Variants in IL1RAPL2 observed in about 807,000 individuals in gnomAD.
The protein encoded by IL1RAPL2 is interleukin 1 receptor accessory protein like 2.
IL1RAPL2 carries 3 observed loss-of-function variants against 44.1 expected under a neutral mutation model. The ratio of observed to expected loss-of-function variants is 0.07; its 90% confidence interval spans 0.03 to 0.18. The LOEUF is 0.18. IL1RAPL2 is among the 10% of genes least tolerant of loss of function. IL1RAPL2 has a pLI of 1.00. For synonymous variants in IL1RAPL2, 181 were observed against 178.8 expected (o/e 1.01, Z -0.10); for missense variants, 391 against 496.4 (o/e 0.79, Z 2.02).
intron 4 of IL1RAPL2, among the ~76,000 whole-genome samples, chrX:105,242,458 T>G (rs1423219154): frequency 3.6e-5 from 4 of 111,785 alleles, no homozygotes; most frequent in Non-Finnish European, 7.5e-5. Context: ...AATCCATTAC[T>G]TGTAAGAATT....
At chrX:105,696,938 G>A (rs955094669) in intron 6 of IL1RAPL2, among the ~76,000 whole-genome samples, 1 of 111,499 alleles carries the variant, frequency 9.0e-6, no homozygotes. Context: ...TCTGCAGGCT[G>A]TAAAAGCATA....
chrX:105,116,535 A>G (rs1403804011), intron 2 of IL1RAPL2, among the ~76,000 whole-genome samples: 1 of 103,611 alleles, frequency 9.7e-6, no homozygotes, highest in Non-Finnish European at 1.9e-5. Flanking sequence ...GGAATAGTCA[A>G]GGGTTGAATT....
At chrX:105,114,406 A>T (rs1035027141) in intron 2 of IL1RAPL2, among the ~76,000 whole-genome samples, 1 of 112,592 alleles carries the variant, frequency 8.9e-6, no homozygotes, top group African/African-American at 3.2e-5. Context: ...TAATAAGAAT[A>T]TCTACTGTTT....
At chrX:104,670,407 G>T (rs1930571580) in intron 2 of IL1RAPL2, among the ~76,000 whole-genome samples, 1 of 111,297 alleles carries the variant, frequency 9.0e-6, no homozygotes, top group Non-Finnish European at 1.9e-5. Context: ...GCAGTTGATT[G>T]GATGGTGCCC....
intron 10 of IL1RAPL2, among the ~76,000 whole-genome samples, chrX:105,758,619 T>A (rs189579707): frequency 1.8e-5 from 2 of 111,872 alleles, no homozygotes; most frequent in Non-Finnish European, 3.8e-5. Context: ...TGTTCCGATC[T>A]GGACATTATT....
chrX:105,620,591 G>C (rs1723991306), intron 6 of IL1RAPL2, among the ~76,000 whole-genome samples: 2 of 110,333 alleles, frequency 1.8e-5, no homozygotes, highest in African/African-American at 6.6e-5. Context: ...GAGTGACAGA[G>C]TGGGGTTTCA....
rs191041809 is a variant in IL1RAPL2, at chrX:104,635,177, C to T, written c.-19-23718C>T. On this transcript the variant is annotated intron_variant, in intron 1 of 10. Coordinates refer to ENST00000372582, the MANE Select transcript of IL1RAPL2 (RefSeq NM_017416.2). Reference sequence around the variant, plus strand: ...AGAATGTTGAATATTGGCCCCCACTCTCTTCTGGCTTATAGAGTTTCTGCT... The same window carrying T: ...AGAATGTTGAATATTGGCCCCCACTTTCTTCTGGCTTATAGAGTTTCTGCT... Among the ~76,000 whole-genome samples, 341 of 111,971 alleles carry T rather than the reference C, an allele frequency of 3.0e-3. 2 individuals carry two copies. In the Middle Eastern group the frequency reaches 0.032, roughly 11 times the overall value.
chrX:105,132,201 G>A lies in IL1RAPL2; in HGVS notation c.83-63274G>A, dbSNP rs1437579728. Among the ~76,000 whole-genome samples, 3 of 109,688 alleles carry A rather than the reference G, an allele frequency of 2.7e-5. No individual in the cohort carries two copies. The East Asian group carries it at 8.5e-4, about 31-fold the overall frequency. ...AAAAAGAAAATGTCATATTAGCATA[G>A]TTGTTTTGCAAATGTCGGCTTTAAC... On this transcript the variant is annotated intron_variant, in intron 2 of 10. Coordinates refer to ENST00000372582, the MANE Select transcript of IL1RAPL2 (RefSeq NM_017416.2).
intron 6 of IL1RAPL2, among the ~76,000 whole-genome samples, chrX:105,712,852 A>G (rs1362415044): frequency 8.9e-6 from 1 of 112,454 alleles, no homozygotes; most frequent in Non-Finnish European, 1.9e-5. Flanking sequence ...CTTCCAAGAT[A>G]CAATGGGGGT....
intron 2 of IL1RAPL2, among the ~76,000 whole-genome samples, chrX:105,101,829 T>G (rs1471860616): frequency 9.0e-6 from 1 of 111,675 alleles, no homozygotes; most frequent in African/African-American, 3.3e-5. Context: ...TATGTCTAAC[T>G]GGGGGTAATG....
Position 104,566,893 on chromosome X carries a change from G to C in IL1RAPL2, c.-178G>C, listed in dbSNP as rs1340654006. 1 of 112,658 alleles carries C rather than the reference G, an allele frequency of 8.9e-6. No homozygotes were observed. Among genetic ancestry groups the C allele is most frequent in the Non-Finnish European group, 1.9e-5 (1 of 53,339 alleles). The allele number at this position is 112,658 out of a possible 1,213,427, so 9.3% of individuals were successfully genotyped here. A position where few individuals can be genotyped will look rare whatever the true frequency, so the allele number is the denominator to read the frequency against. On this transcript the variant is annotated 5_prime_UTR_variant, in exon 1 of 11. Coordinates refer to ENST00000372582, the MANE Select transcript of IL1RAPL2 (RefSeq NM_017416.2). Reference sequence around the variant, plus strand: ...GGCGGGGCTGTACTGTCCGCTGTTTGGGGAGACGCGGTCTTCCTCGCGCCC... The same window carrying C: ...GGCGGGGCTGTACTGTCCGCTGTTTCGGGAGACGCGGTCTTCCTCGCGCCC...
intron 6 of IL1RAPL2, among the ~76,000 whole-genome samples, chrX:105,506,278 G>C (rs914802408): frequency 9.0e-6 from 1 of 111,297 alleles, no homozygotes; most frequent in Non-Finnish European, 1.9e-5. Flanking sequence ...TGATGCCATG[G>C]GTGTCCAGGT....
chrX:104,911,736 A>G (rs1296725773), intron 2 of IL1RAPL2, among the ~76,000 whole-genome samples: 3 of 111,984 alleles, frequency 2.7e-5, no homozygotes, highest in Non-Finnish European at 5.6e-5. Flanking sequence ...TCCCTGCACT[A>G]TCTGACATAC....
chrX:105,351,207 C>T (rs1260111621), intron 5 of IL1RAPL2, among the ~76,000 whole-genome samples: 2 of 111,641 alleles, frequency 1.8e-5, no homozygotes, highest in African/African-American at 6.5e-5. Flanking sequence ...TTGTGGAAGA[C>T]AGTGTGGCAA....
chrX:104,632,840 C>G (rs983622775), intron 1 of IL1RAPL2, among the ~76,000 whole-genome samples: 1 of 109,946 alleles, frequency 9.1e-6, no homozygotes, highest in Admixed American at 9.9e-5. Context: ...ATTTCCTTCT[C>G]CTGCCTGATT....
At chrX:105,068,591 A>G (rs1411286602) in intron 2 of IL1RAPL2, among the ~76,000 whole-genome samples, 1 of 111,793 alleles carries the variant, frequency 8.9e-6, no homozygotes, top group East Asian at 2.8e-4. Context: ...CTGAGTGAGC[A>G]TTGGTTAGAA....
chrX:104,728,531 T>C (rs1253475001), intron 2 of IL1RAPL2, among the ~76,000 whole-genome samples: 3 of 111,526 alleles, frequency 2.7e-5, no homozygotes, highest in Non-Finnish European at 3.8e-5. Context: ...AATATGTTTG[T>C]TGCAGACATA....
chrX:105,217,200 C>T (rs2033869068), intron 3 of IL1RAPL2, among the ~76,000 whole-genome samples: 1 of 108,962 alleles, frequency 9.2e-6, no homozygotes, highest in Non-Finnish European at 1.9e-5. Flanking sequence ...TTGCAATCTA[C>T]TCATCTGACA....
intron 2 of IL1RAPL2, among the ~76,000 whole-genome samples, chrX:105,062,178 T>C (rs1218311159): frequency 9.0e-6 from 1 of 111,540 alleles, no homozygotes; most frequent in Non-Finnish European, 1.9e-5. Flanking sequence ...TCTTGCTTTT[T>C]ATTTTTGTGT....
Sources: allele counts gnomAD v4.1 joint callset (sites outside exome capture counted in the v4.1 genomes callset), GRCh38; gene constraint gnomAD v4.1.1; transcripts MANE v1.5; gene names NCBI Gene and HGNC (gene_info 2026-07-23, HGNC 2026-07-21).